ASCC3: variants seen among roughly 807,000 people sequenced by gnomAD.
ASCC3 encodes the protein activating signal cointegrator 1 complex subunit 3.
In ASCC3, 158 loss-of-function variants were observed where a neutral mutation model predicts 256.3. The observed-to-expected ratio is 0.62, with a 90% CI of 0.54 to 0.70. The LOEUF is 0.70. Among genes scored for constraint, ASCC3 ranks in the 30% least tolerant of loss-of-function variants. ASCC3 has a pLI of 0.00. For synonymous variants in ASCC3, 948 were observed against 883.4 expected, an observed-to-expected ratio of 1.07 and a Z score of -1.30; for missense variants, 2,259 against 2,626.0, an observed-to-expected ratio of 0.86 and a Z score of 3.05.
At chr6:100,731,243 A>C (rs776654245) in intron 10 of ASCC3, among the ~76,000 whole-genome samples, 1 of 152,150 alleles carries the variant, frequency 6.6e-6, no homozygotes, top group Non-Finnish European at 1.5e-5. Context: ...TTTCCAGACT[A>C]TGTGTGTTTA....
rs898459335 is a variant in ASCC3 at position 100,509,169 on chromosome 6, T to A, written c.*217A>T. 1 of 581,136 alleles carries A rather than the reference T, an allele frequency of 1.7e-6. No individual in the cohort carries two copies. Among genetic ancestry groups the A allele is most frequent in the East Asian group, 3.0e-5 (1 of 33,338 alleles). 36.0% of individuals were successfully genotyped at this position (581,136 alleles called of 1,614,324 possible). ...TTTTTCATCTTACATATCAAGAAAC[T>A]CATAAAGATAACATTATAAAAGGCA... On this transcript the variant is annotated 3_prime_UTR_variant, in exon 42 of 42. Coordinates refer to ENST00000369162, the MANE Select transcript of ASCC3 (RefSeq NM_006828.4).
intron 38 of ASCC3, 36 bp downstream of exon 38, chr6:100,517,955 A>C (rs769508314): frequency 6.2e-7 from 1 of 1,606,490 alleles, no homozygotes; most frequent in South Asian, 1.1e-5. Flanking sequence ...TTTGAAATCA[A>C]AACAAAACAA....
In ASCC3 at chr6:100,721,733, C is replaced by T. The variant is rs1357292377; in HGVS notation, c.1903-3482G>A. ...AAAAGTAAACAAGTCCCAAATATTTCTACAATTTCATTTCTACTGAAGAAA... is the reference window on the plus strand; with the variant it reads ...AAAAGTAAACAAGTCCCAAATATTTTTACAATTTCATTTCTACTGAAGAAA... On this transcript the variant is annotated intron_variant, in intron 11 of 41. Coordinates refer to ENST00000369162, the MANE Select transcript of ASCC3 (RefSeq NM_006828.4). Among the ~76,000 whole-genome samples, 3 of 151,626 alleles carry T rather than the reference C, an allele frequency of 2.0e-5. No individual in the cohort carries two copies. The East Asian group carries it at 5.8e-4, about 29-fold the overall frequency.
At chr6:100,801,163 T>C (rs977170982) in intron 5 of ASCC3, among the ~76,000 whole-genome samples, 14 of 152,220 alleles carry the variant, frequency 9.2e-5, no homozygotes, top group African/African-American at 3.1e-4. Flanking sequence ...GTCAACTCAA[T>C]ATTGAGAAAA....
At chr6:100,576,559 G>A (rs1483586769) in intron 36 of ASCC3, among the ~76,000 whole-genome samples, 1 of 151,948 alleles carries the variant, frequency 6.6e-6, no homozygotes, top group Non-Finnish European at 1.5e-5. Flanking sequence ...ACAACTTAAT[G>A]AGATTAAAAT....
intron 10 of ASCC3, among the ~76,000 whole-genome samples, chr6:100,727,471 T>C (rs6928418): frequency 0.44 from 67,085 of 151,290 alleles, 15,182 homozygotes; most frequent in Middle Eastern, 0.55. Context: ...GGTTCTTTTT[T>C]CCCCCACAAA....
chr6:100,696,559 T>A (rs1372220354), intron 13 of ASCC3, among the ~76,000 whole-genome samples: 2 of 151,960 alleles, frequency 1.3e-5, no homozygotes, highest in East Asian at 1.9e-4. Flanking sequence ...ATTCAATACA[T>A]CATTCTCTAG....
At chr6:100,671,842 T>C (rs1270011717) in intron 14 of ASCC3, among the ~76,000 whole-genome samples, 1 of 152,070 alleles carries the variant, frequency 6.6e-6, no homozygotes, top group Non-Finnish European at 1.5e-5. Flanking sequence ...AAATACATGA[T>C]TAAATAACAT....
intron 1 of ASCC3, among the ~76,000 whole-genome samples, chr6:100,874,482 A>C (rs888646762): frequency 1.3e-5 from 2 of 151,454 alleles, no homozygotes; most frequent in South Asian, 4.2e-4. Flanking sequence ...AAAAAAAAAA[A>C]AAAACAACTC....
chr6:100,537,922 G>A (rs1173840501), intron 37 of ASCC3, among the ~76,000 whole-genome samples: 2 of 150,042 alleles, frequency 1.3e-5, no homozygotes, highest in African/African-American at 2.4e-5. Flanking sequence ...TATATATACT[G>A]TATATAAAAA....
chr6:100,554,292 T>C (rs1372942245), intron 36 of ASCC3, among the ~76,000 whole-genome samples: 2 of 152,190 alleles, frequency 1.3e-5, no homozygotes, highest in Non-Finnish European at 2.9e-5. Context: ...ACAGTAACTA[T>C]TAGTGTCTGC....
chr6:100,821,790 C>T lies in ASCC3; in HGVS notation c.802-15910G>A, dbSNP rs148146806. On this transcript the variant is annotated intron_variant, in intron 4 of 41. Transcript: ENST00000369162. ...AGTAAGCCAAGATTGTGCCACTGTA[C>T]CCCAGCCTGGATGACAGAGCGAGAC... Among the ~76,000 whole-genome samples the T allele has an allele frequency of 3.7e-3, 566 of 151,926 alleles. 5 individuals are homozygous for T. The highest frequency in any genetic ancestry group is 0.013 in the African/African-American group (548 of 41,428).
chr6:100,540,438 T>C, intron 36 of ASCC3, 51 bp from the exon 37 acceptor site: 2 of 1,431,058 alleles, frequency 1.4e-6, no homozygotes, highest in Non-Finnish European at 1.9e-6. Context: ...TAATAATTAA[T>C]GTACTTCTTA....
intron 4 of ASCC3, among the ~76,000 whole-genome samples, chr6:100,814,585 G>C (rs1770650785): frequency 6.6e-6 from 1 of 151,988 alleles, no homozygotes; most frequent in South Asian, 2.1e-4. Flanking sequence ...GCTTTTTTTA[G>C]TTGTATGATA....
intron 23 of ASCC3, among the ~76,000 whole-genome samples, chr6:100,643,445 C>T (rs767274028): frequency 2.0e-5 from 3 of 152,076 alleles, no homozygotes; most frequent in Non-Finnish European, 4.4e-5. Context: ...ACCTCTGGAA[C>T]CCAGGTCTTA....
Position 100,750,741 on chromosome 6 carries a change from A to G in ASCC3, c.1737+15824T>C, listed in dbSNP as rs558090994. On this transcript the variant is annotated intron_variant, in intron 10 of 41. Coordinates refer to ENST00000369162, the MANE Select transcript of ASCC3 (RefSeq NM_006828.4). ...CTTCACCATTCTTTTATAAAACATT[A>G]GATGCTTAACAAACAAAAGCAAACA... Among the ~76,000 whole-genome samples, 3 of 152,150 alleles carry G rather than the reference A, an allele frequency of 2.0e-5. No individual in the cohort carries two copies. The East Asian group carries it at 5.8e-4, about 29-fold the overall frequency.
At chr6:100,677,447 A>T (rs1375721314) in intron 14 of ASCC3, among the ~76,000 whole-genome samples, 1 of 152,246 alleles carries the variant, frequency 6.6e-6, no homozygotes, top group East Asian at 1.9e-4. Flanking sequence ...TGGACTTTGG[A>T]GTCAGACTGG....
chr6:100,706,065 C>A (rs1013985453), intron 13 of ASCC3, among the ~76,000 whole-genome samples: 1 of 151,734 alleles, frequency 6.6e-6, no homozygotes, highest in African/African-American at 2.4e-5. Flanking sequence ...ACCATACTTA[C>A]ATGTATAACA....
intron 14 of ASCC3, among the ~76,000 whole-genome samples, chr6:100,676,688 T>A (rs1393130028): frequency 6.6e-6 from 1 of 152,198 alleles, no homozygotes; most frequent in Non-Finnish European, 1.5e-5. Context: ...CTCATTTCAG[T>A]TGCAGCTAAG....
Sources: gnomAD v4.1 joint callset for allele counts (sites outside exome capture counted in the v4.1 genomes callset) on GRCh38, gnomAD v4.1.1 for gene constraint, MANE v1.5 for transcripts, NCBI Gene and HGNC (gene_info 2026-07-23, HGNC 2026-07-21) for gene names.